The following CRACD variants were observed in gnomAD, a reference collection of about 807,000 sequenced individuals.
CRACD encodes capping protein inhibiting regulator of actin dynamics.
In CRACD, 56 loss-of-function variants were observed where a neutral mutation model predicts 106.8. The observed-to-expected ratio is 0.52, with a 90% CI of 0.42 to 0.66. The LOEUF is 0.66. Among genes scored for constraint, CRACD ranks in the 30% least tolerant of loss-of-function variants. The pLI is 0.00. For missense variants in CRACD, 1,730 were observed against 1,623.2 expected (o/e 1.07, Z -1.13); for synonymous variants, 754 against 670.8 (o/e 1.12, Z -1.92).
chr4:56,174,807 T>A (rs979589139), intron 1 of CRACD, among the ~76,000 whole-genome samples: 1 of 152,152 alleles, frequency 6.6e-6, no homozygotes, highest in African/African-American at 2.4e-5. Flanking sequence ...GACTAGGTAA[T>A]TTATGAAGAA....
chr4:56,316,269 C>A lies in CRACD; in HGVS notation c.2767C>A (p.Pro923Thr), dbSNP rs1270875681. Residue 923 changes from proline to threonine, a missense_variant, in exon 8 of 11, where the codon CCT (proline) becomes ACT (threonine). Pro to Thr is a conservative substitution (Grantham distance 38). Transcript: ENST00000682029. ...TTCCACCCGGAGGGACTCCGCTGAA[C>A]CTTCCAGCAGCCGCTCTGTTCCTGT... ...APSTRRDSAE[P>T]SSSRSVPVAH... 2.5e-6 allele frequency: 4 copies of A among 1,613,994 alleles called. No individual in the cohort carries two copies. Among genetic ancestry groups the A allele is most frequent in the East Asian group, 2.2e-5 (1 of 44,878 alleles).
chr4:56,140,165 T>C (rs898277602), intron 1 of CRACD, among the ~76,000 whole-genome samples: 35 of 152,222 alleles, frequency 2.3e-4, no homozygotes, highest in African/African-American at 8.2e-4. Flanking sequence ...CCTTCCCCTT[T>C]ATCCCTGCAT....
At chr4:56,267,492 A>G (rs796866729) in intron 2 of CRACD, among the ~76,000 whole-genome samples, 11 of 152,326 alleles carry the variant, frequency 7.2e-5, no homozygotes, top group African/African-American at 2.6e-4. Context: ...GGAAGGGGAA[A>G]TTAGTTTTCA....
intron 2 of CRACD, among the ~76,000 whole-genome samples, chr4:56,227,368 T>C (rs1010052733): frequency 1.3e-5 from 2 of 151,858 alleles, no homozygotes; most frequent in African/African-American, 2.4e-5. Flanking sequence ...CAAAGGTGGG[T>C]AAAAAGAATC....
intron 1 of CRACD, among the ~76,000 whole-genome samples, chr4:56,123,676 T>C (rs1734564374): frequency 6.6e-6 from 1 of 152,088 alleles, no homozygotes; most frequent in South Asian, 2.1e-4. Flanking sequence ...TTGCCCCAAA[T>C]TACTCAGCTA....
At chr4:56,088,433 T>C (rs1310551625) in intron 1 of CRACD, among the ~76,000 whole-genome samples, 1 of 151,556 alleles carries the variant, frequency 6.6e-6, no homozygotes. Context: ...CCTCCCGGGT[T>C]CAAGCAATTC....
intron 1 of CRACD, among the ~76,000 whole-genome samples, chr4:56,105,521 G>A (rs923432550): frequency 6.6e-6 from 1 of 152,150 alleles, no homozygotes; most frequent in African/African-American, 2.4e-5. Flanking sequence ...CTGTAATTTA[G>A]GGACGTATCT....
chr4:56,272,704 G>A (rs965052801), intron 3 of CRACD, among the ~76,000 whole-genome samples: 3 of 151,972 alleles, frequency 2.0e-5, no homozygotes, highest in Non-Finnish European at 2.9e-5. Context: ...CAGCCTAGGC[G>A]ACATGGGGAA....
At chr4:56,136,717 G>A (rs955728550) in intron 1 of CRACD, among the ~76,000 whole-genome samples, 1 of 152,058 alleles carries the variant, frequency 6.6e-6, no homozygotes, top group African/African-American at 2.4e-5. Flanking sequence ...GCCTTTTCAT[G>A]TTCTTAACTG....
In CRACD at chr4:56,327,773, C is replaced by A; in HGVS notation, c.3671C>A (p.Ala1224Asp). The change falls in exon 11 of 11, where the codon GCT becomes GAT. Residue 1224 changes from alanine to aspartate, a missense_variant. Physicochemically the swap from Ala to Asp is moderately radical, Grantham distance 126. This residue lies in a region of CRACD where 15 missense variants were observed against 16.1 expected (regional missense o/e 0.93). Coordinates refer to ENST00000682029, the MANE Select transcript of CRACD (RefSeq NM_001393381.1). ...WLALAKRKAK[A>D]WSDCPQIIK is the part of the protein sequence containing the mutation. ...GCTTTGGCCAAAAGGAAAGCAAAGG[C>A]TTGGAGCGACTGTCCACAGATTATT... 1 of 1,614,168 alleles carries A rather than the reference C, an allele frequency of 6.2e-7. No individual in the cohort carries two copies. Among genetic ancestry groups the A allele is most frequent in the Non-Finnish European group, 8.5e-7 (1 of 1,180,002 alleles).
Position 56,192,376 on chromosome 4 carries a change from C to T in CRACD, c.-189+12946C>T, listed in dbSNP as rs562114428. Among the ~76,000 whole-genome samples, 3 of 149,898 alleles carry T rather than the reference C, an allele frequency of 2.0e-5. No homozygotes were observed. The South Asian group carries it at 6.3e-4, about 32-fold the overall frequency. ...CAATGCACTCCAGCCTGAGTGGCGA[C>T]AGAGCAAGACTCCATCTCAAAAAAA... is the stretch of plus-strand genomic sequence containing the variant. On this transcript the variant is annotated intron_variant, in intron 2 of 10. Transcript: ENST00000682029.
chr4:56,106,108 C>G (rs559794931), intron 1 of CRACD, among the ~76,000 whole-genome samples: 2 of 152,276 alleles, frequency 1.3e-5, no homozygotes, highest in South Asian at 4.1e-4. Context: ...GTGCATAAAG[C>G]ATTTTGCTGG....
intron 1 of CRACD, among the ~76,000 whole-genome samples, chr4:56,166,499 G>A (rs1344364766): frequency 6.6e-6 from 1 of 151,836 alleles, no homozygotes; most frequent in Admixed American, 6.6e-5. Flanking sequence ...TGCCCAACAT[G>A]GTGAAACCCC....
At chr4:56,265,383 A>G (rs73817455) in intron 2 of CRACD, among the ~76,000 whole-genome samples, 40,013 of 148,498 alleles carry the variant, frequency 0.27, 5,481 homozygotes, top group African/African-American at 0.29. Context: ...TGAGCAGTGT[A>G]CTCAGGGGTA....
chr4:56,315,629 A>G lies in CRACD; in HGVS notation c.2127A>G (p.Gln709=). ...PRGRCDSRGN[Q]RKTPPVNAKF... is the part of the protein sequence containing the mutation. The stretch of plus-strand genomic sequence containing the variant: ...GCCGGTGTGATTCCCGCGGGAACCA[A>G]CGGAAGACTCCGCCAGTCAATGCAA... The change falls in exon 8 of 11, where the codon CAA becomes CAG. Residue 709 remains glutamine (Q), a synonymous_variant. Transcript: ENST00000682029. This position sits in a 1 kb window ranked among gnomAD's most constrained non-coding sequence, Gnocchi z 4.1. 3 of 1,614,176 alleles carry G rather than the reference A, an allele frequency of 1.9e-6. No individual in the cohort carries two copies. The highest frequency in any genetic ancestry group is 2.5e-6 in the Non-Finnish European group (3 of 1,180,028).
chr4:56,147,066 T>C (rs1206454874), intron 1 of CRACD, among the ~76,000 whole-genome samples: 1 of 152,134 alleles, frequency 6.6e-6, no homozygotes, highest in African/African-American at 2.4e-5. Context: ...GAGGTCCAAT[T>C]TGCATCATCC....
At chr4:56,063,236 C>G (rs1344862006) in intron 1 of CRACD, among the ~76,000 whole-genome samples, 1 of 151,944 alleles carries the variant, frequency 6.6e-6, no homozygotes, top group East Asian at 1.9e-4. Context: ...CTCTGTTGCC[C>G]AGGCTGGCAT....
At chr4:56,161,611 C>T (rs969620819) in intron 1 of CRACD, among the ~76,000 whole-genome samples, 5 of 152,054 alleles carry the variant, frequency 3.3e-5, no homozygotes, top group African/African-American at 1.2e-4. Context: ...GCCACAACTA[C>T]CCTACACTCT....
At chr4:56,312,303 G>A (rs1183269647) in intron 6 of CRACD, among the ~76,000 whole-genome samples, 1 of 152,060 alleles carries the variant, frequency 6.6e-6, no homozygotes, top group African/African-American at 2.4e-5. Flanking sequence ...GATTACAGGT[G>A]TGCACCACCA....
Sources: allele counts gnomAD v4.1 joint callset (sites outside exome capture counted in the v4.1 genomes callset), GRCh38; gene constraint gnomAD v4.1.1; regional missense constraint gnomAD v4.1.1; non-coding constraint Gnocchi (gnomAD v3.1); transcripts MANE v1.5; gene names NCBI Gene and HGNC (gene_info 2026-07-23, HGNC 2026-07-21).